SPINT3: variants seen among roughly 807,000 people sequenced by gnomAD.
The protein encoded by SPINT3 is serine peptidase inhibitor, Kunitz type 3.
A neutral mutation model predicts 3.3 loss-of-function variants in SPINT3; 4 were observed. The observed-to-expected ratio is 1.22, with a 90% CI of 0.60 to 2.79. The LOEUF (loss-of-function observed/expected upper bound fraction) is 2.79. Among genes scored for constraint, SPINT3 ranks in the 30% most tolerant of loss-of-function variants. The pLI, the probability that SPINT3 is intolerant of heterozygous loss-of-function variation, is 0.01. For missense variants in SPINT3, 97 were observed against 104.3 expected (o/e 0.93, Z 0.31); for synonymous variants, 30 against 38.6 (o/e 0.78, Z 0.83).
At chr20:45,513,860 C>T (rs1011808082) in intron 1 of SPINT3, among the ~76,000 whole-genome samples, 8 of 152,216 alleles carry the variant, frequency 5.3e-5, no homozygotes, top group African/African-American at 1.9e-4. Context: ...AAGAATCAAA[C>T]CCAGCATGGT....
Position 45,515,556 on chromosome 20 carries a change from T to G in SPINT3, c.53A>C (p.Glu18Ala), listed in dbSNP as rs977334887. The G allele has an allele frequency of 1.9e-5, 29 of 1,550,230 alleles. No individual in the cohort carries two copies. The highest frequency in any genetic ancestry group is 3.3e-4 in the Middle Eastern group (2 of 5,988). The change falls in exon 1 of 2, where the codon GAG (glutamate) becomes GCG (alanine). Residue 18 changes from glutamate to alanine, a missense_variant. Coordinates refer to ENST00000217428, the MANE Select transcript of SPINT3 (RefSeq NM_006652.2). ...ACCTCGTGCTAGTTCTGATCGAAGC[T>G]CTAGGCAGAGAGTGAGAATCAGGAG... ...SFLLILTLCLELRSELARDTI... is the reference protein window; with the variant it reads ...SFLLILTLCLALRSELARDTI...
rs1290222925 is a variant in SPINT3 at position 45,512,852 on chromosome 20, G to C, written c.77-8C>G. Reference sequence around the variant, plus strand: ...GGAGATCCTTGATAGTGTCTGAAGAGAGAAAGTGGTTGAAGGAGACCAAAC... The same window carrying C: ...GGAGATCCTTGATAGTGTCTGAAGACAGAAAGTGGTTGAAGGAGACCAAAC... On this transcript the variant is annotated splice_region_variant and splice_polypyrimidine_tract_variant and intron_variant, in intron 1 of 1. Transcript: ENST00000217428. 1 of 1,550,146 alleles carries C rather than the reference G, an allele frequency of 6.5e-7. No homozygotes were observed. Among genetic ancestry groups the C allele is most frequent in the Non-Finnish European group, 8.7e-7 (1 of 1,146,160 alleles).
chr20:45,515,586 G>A lies in SPINT3; in HGVS notation c.23C>T (p.Ser8Leu), dbSNP rs985823373. ...GCAGAGAGTGAGAATCAGGAGAAAC[G>A]AGAGAGAGGCCTGAAGCTGCATGGT... is the stretch of plus-strand genomic sequence containing the variant. MQLQASL[S>L]FLLILTLCLE... The change falls in exon 1 of 2, where the codon TCG (serine) becomes TTG (leucine). Residue 8 changes from serine (S) to leucine (L), a missense_variant. Ser to Leu is a moderately radical substitution (Grantham distance 145, BLOSUM62 -2). Coordinates refer to ENST00000217428, the MANE Select transcript of SPINT3 (RefSeq NM_006652.2). The A allele has an allele frequency of 3.1e-5, 48 of 1,551,274 alleles. No individual in the cohort carries two copies. The highest frequency in any genetic ancestry group is 9.8e-5 in the Admixed American group (5 of 50,960).
rs201335785 is a variant in SPINT3, at chr20:45,512,583, A to G, written c.*68T>C. 2,147 of 1,391,268 alleles carry G rather than the reference A, an allele frequency of 1.5e-3. 5 individuals carry two copies. The highest frequency in any genetic ancestry group is 1.9e-3 in the Non-Finnish European group (1,924 of 1,018,438). The allele number at this position is 1,391,268 out of a possible 1,614,324, so 86.2% of individuals were successfully genotyped here. Reference sequence around the variant, plus strand: ...TGTTCACACACACACACACACACACACGCAAATGCCTTCTATGGCCCTCAG... The same window carrying G: ...TGTTCACACACACACACACACACACGCGCAAATGCCTTCTATGGCCCTCAG... On this transcript the variant is annotated 3_prime_UTR_variant, in exon 2 of 2. Transcript: ENST00000217428.
chr20:45,515,391 G>A, intron 1 of SPINT3, 142 bp downstream of exon 1: 1 of 727,562 alleles, frequency 1.4e-6, no homozygotes, highest in Non-Finnish European at 2.3e-6. Context: ...ACATATGTCT[G>A]ATGAAGTGAA....
At chr20:45,513,452 G>T (rs1978791394) in intron 1 of SPINT3, among the ~76,000 whole-genome samples, 1 of 152,092 alleles carries the variant, frequency 6.6e-6, no homozygotes, top group Non-Finnish European at 1.5e-5. Context: ...CCACATTTTT[G>T]GTTTATTGCA....
At position 45,512,786 on chromosome 20, in the gene SPINT3, A is replaced by G. The variant is rs771564569; in HGVS notation, c.135T>C (p.Cys45=). 19 of 1,551,700 alleles carry G rather than the reference A, an allele frequency of 1.2e-5. No homozygotes were observed. Among genetic ancestry groups the G allele is most frequent in the Non-Finnish European group, 1.7e-5 (19 of 1,146,990 alleles). The change falls in exon 2 of 2, where the codon TGT becomes TGC. Residue 45 remains cysteine (C), a synonymous_variant. Coordinates refer to ENST00000217428, the MANE Select transcript of SPINT3 (RefSeq NM_006652.2). ...AAAACCATCGCGTCATGTAGGTTTG[A>G]CAAGGGCCCTTTTCCATAGGAAAAG... The part of the protein sequence containing the change: ...VCAFPMEKGP[C]QTYMTRWFFN...
intron 1 of SPINT3, 87 bp from the exon 2 acceptor site, chr20:45,512,931 C>T (rs1978778175): frequency 9.1e-7 from 1 of 1,101,092 alleles, no homozygotes; most frequent in Non-Finnish European, 1.3e-6. Flanking sequence ...CAGCCCTGGG[C>T]ACAATTGTGA....
In SPINT3 at chr20:45,512,823, G is replaced by T; in HGVS notation, c.98C>A (p.Pro33Gln). 6.4e-7 allele frequency: 1 copy of T among 1,551,610 alleles called. No homozygotes were observed. Among genetic ancestry groups the T allele is most frequent in the Non-Finnish European group, 8.7e-7 (1 of 1,146,964 alleles). The change falls in exon 2 of 2, where the codon CCA becomes CAA. Residue 33 changes from proline (P) to glutamine (Q), a missense_variant. Pro to Gln is a moderately conservative substitution (Grantham distance 76, BLOSUM62 -1). Transcript: ENST00000217428. ...LARDTIKDLL[P>Q]NVCAFPMEKG... ...TTCCATAGGAAAAGCGCATACATTT[G>T]GGAGGAGATCCTTGATAGTGTCTGA...
At position 45,512,778 on chromosome 20, in the gene SPINT3, T is replaced by C. The variant is rs1978771050; in HGVS notation, c.143A>G (p.Tyr48Cys). ...AAAGTTGAAAAACCATCGCGTCATGTAGGTTTGACAAGGGCCCTTTTCCAT... is the reference window on the plus strand; with the variant it reads ...AAAGTTGAAAAACCATCGCGTCATGCAGGTTTGACAAGGGCCCTTTTCCAT... ...FPMEKGPCQT[Y>C]MTRWFFNFET... The change falls in exon 2 of 2, where the codon TAC (tyrosine) becomes TGC (cysteine). Residue 48 changes from tyrosine (Y) to cysteine (C), a missense_variant. Coordinates refer to ENST00000217428, the MANE Select transcript of SPINT3 (RefSeq NM_006652.2). 2.6e-6 allele frequency: 4 copies of C among 1,551,706 alleles called. No individual in the cohort carries two copies. Among genetic ancestry groups the C allele is most frequent in the East Asian group, 4.9e-5 (2 of 40,918 alleles).
chr20:45,515,471 A>G, intron 1 of SPINT3, 62 bp downstream of exon 1: 1 of 1,008,486 alleles, frequency 9.9e-7, no homozygotes, highest in Non-Finnish European at 1.4e-6. Flanking sequence ...CACCTCCCCC[A>G]CCACCCCGCC....
chr20:45,514,492 C>T (rs1978820845), intron 1 of SPINT3, among the ~76,000 whole-genome samples: 1 of 152,164 alleles, frequency 6.6e-6, no homozygotes, highest in Non-Finnish European at 1.5e-5. Context: ...GTAGAGGAGC[C>T]TGGACCAGAA....
At position 45,512,625 on chromosome 20, in the gene SPINT3, T is replaced by C. The variant is rs1978763917; in HGVS notation, c.*26A>G. 1.3e-6 allele frequency: 2 copies of C among 1,549,084 alleles called. No individual in the cohort carries two copies. The highest frequency in any genetic ancestry group is 1.4e-5 in the African/African-American group (1 of 72,960). ...GGCCCTCAGAGCAATCCCGAATCCA[T>C]GGAGGGCTGTGTTCTTGTTAGAAAA... On this transcript the variant is annotated 3_prime_UTR_variant, in exon 2 of 2. Coordinates refer to ENST00000217428, the MANE Select transcript of SPINT3 (RefSeq NM_006652.2).
chr20:45,514,456 A>G (rs1482173009), intron 1 of SPINT3, among the ~76,000 whole-genome samples: 1 of 152,214 alleles, frequency 6.6e-6, no homozygotes, highest in East Asian at 1.9e-4. Flanking sequence ...GCTATAAATG[A>G]TGTTCCTGAG....
At position 45,515,147 on chromosome 20, in the gene SPINT3, G is replaced by T. The variant is rs1050012780; in HGVS notation, c.76+386C>A. 2.6e-5 allele frequency among the ~76,000 whole-genome samples: 4 copies of T among 152,184 alleles called. No homozygotes were observed. The East Asian group carries it at 7.7e-4, about 29-fold the overall frequency. On this transcript the variant is annotated intron_variant, in intron 1 of 1. Transcript: ENST00000217428. ...TCCCTCACTCTCAAATTCTGGCTCT[G>T]ATCTCCTTTTCCCAACCTCTCCTTG...
At position 45,515,518 on chromosome 20, in the gene SPINT3, A is replaced by G; in HGVS notation, c.76+15T>C. On this transcript the variant is annotated intron_variant, in intron 1 of 1. Coordinates refer to ENST00000217428, the MANE Select transcript of SPINT3 (RefSeq NM_006652.2). ...TTCCCAGTCTATTCTTTGAGATCCC[A>G]CATTTCATACCAACCTCGTGCTAGT... 3.3e-6 allele frequency: 5 copies of G among 1,531,120 alleles called. No individual in the cohort carries two copies. The highest frequency in any genetic ancestry group is 4.4e-6 in the Non-Finnish European group (5 of 1,139,780). The allele number at this position is 1,531,120 out of a possible 1,614,324, so 94.8% of individuals were successfully genotyped here. A position where few individuals can be genotyped will look rare whatever the true frequency, so the allele number is the denominator to read the frequency against.
In SPINT3 at chr20:45,515,477, C is replaced by T. The variant is rs1978847105; in HGVS notation, c.76+56G>A. ...GTGCTGCATCACCTCCCCCACCACCCCGCCCCCCAGCCTGATTCCCAGTCT... is the reference window on the plus strand; with the variant it reads ...GTGCTGCATCACCTCCCCCACCACCTCGCCCCCCAGCCTGATTCCCAGTCT... On this transcript the variant is annotated intron_variant, in intron 1 of 1. Transcript: ENST00000217428. 5 of 1,417,216 alleles carry T rather than the reference C, an allele frequency of 3.5e-6. No homozygotes were observed. In the South Asian group the frequency reaches 6.2e-5, roughly 18 times the overall value. 87.8% of individuals were successfully genotyped at this position (1,417,216 alleles called of 1,614,324 possible).
At position 45,512,801 on chromosome 20, in the gene SPINT3, C is replaced by T; in HGVS notation, c.120G>A (p.Met40Ile). ...DLLPNVCAFPMEKGPCQTYMT... is the reference protein window; with the variant it reads ...DLLPNVCAFPIEKGPCQTYMT... ...TGTAGGTTTGACAAGGGCCCTTTTC[C>T]ATAGGAAAAGCGCATACATTTGGGA... The change falls in exon 2 of 2, where the codon ATG becomes ATA. Residue 40 changes from methionine (M) to isoleucine (I), a missense_variant. Physicochemically the swap from Met to Ile is conservative, Grantham distance 10. Coordinates refer to ENST00000217428, the MANE Select transcript of SPINT3 (RefSeq NM_006652.2). 7 of 1,551,644 alleles carry T rather than the reference C, an allele frequency of 4.5e-6. No homozygotes were observed. Among genetic ancestry groups the T allele is most frequent in the Non-Finnish European group, 2.6e-6 (3 of 1,146,980 alleles).
At chr20:45,515,143 C>T (rs1198411590) in intron 1 of SPINT3, among the ~76,000 whole-genome samples, 3 of 152,138 alleles carry the variant, frequency 2.0e-5, no homozygotes, top group African/African-American at 7.2e-5. Flanking sequence ...CAAATTCTGG[C>T]TCTGATCTCC....
Sources: allele counts gnomAD v4.1 joint callset (sites outside exome capture counted in the v4.1 genomes callset), GRCh38; gene constraint gnomAD v4.1.1; transcripts MANE v1.5; gene names NCBI Gene and HGNC (gene_info 2026-07-23, HGNC 2026-07-21).